Variants in NOL10 observed in about 807,000 individuals in gnomAD.
The protein encoded by NOL10 is H_NH0074G24.1.
A neutral mutation model predicts 103.5 loss-of-function variants in NOL10; 58 were observed. The ratio of observed to expected loss-of-function variants is 0.56; its 90% confidence interval spans 0.45 to 0.70. The LOEUF (loss-of-function observed/expected upper bound fraction) is 0.70. NOL10 is among the 30% of genes least tolerant of loss of function. The pLI, the probability that NOL10 is intolerant of heterozygous loss-of-function variation, is 0.00. For synonymous variants in NOL10, 287 were observed against 282.5 expected (o/e 1.02, Z -0.16); for missense variants, 763 against 807.3 (o/e 0.95, Z 0.67).
intron 19 of NOL10, among the ~76,000 whole-genome samples, chr2:10,579,535 G>A (rs1452927936): frequency 4.0e-5 from 6 of 151,734 alleles, no homozygotes; most frequent in South Asian, 2.1e-4. Context: ...CATGACAAAC[G>A]GAATGAAATG....
intron 6 of NOL10, among the ~76,000 whole-genome samples, chr2:10,671,093 C>T (rs547606094): frequency 4.6e-5 from 7 of 152,066 alleles, no homozygotes; most frequent in Non-Finnish European, 7.4e-5. Flanking sequence ...CACATATGAC[C>T]TATTAATCAC....
rs529472961 is a variant in NOL10, at chr2:10,681,229, A to G, written c.211+742T>C. Among the ~76,000 whole-genome samples the G allele has an allele frequency of 3.9e-5, 6 of 152,314 alleles. No homozygotes were observed. In the South Asian group the frequency reaches 1.0e-3, roughly 26 times the overall value. ...AACAGCCTAGCTGTTCATCACATGG[A>G]GAATGGGTAAATAAACTGTGGCTTA... On this transcript the variant is annotated intron_variant, in intron 3 of 20. Coordinates refer to ENST00000381685, the MANE Select transcript of NOL10 (RefSeq NM_024894.4).
intron 1 of NOL10, 92 bp from the exon 2 acceptor site, chr2:10,684,704 T>C: frequency 1.1e-6 from 1 of 908,206 alleles, no homozygotes; most frequent in Non-Finnish European, 1.7e-6. Flanking sequence ...ATTTAAAAAT[T>C]CAAACTTCAT....
intron 13 of NOL10, among the ~76,000 whole-genome samples, chr2:10,638,306 ACG>A (rs1678419628): frequency 8.0e-6 from 1 of 125,728 alleles, no homozygotes. Flanking sequence ...ACGTAACGTG[ACG>A]TGACGTGACG....
intron 11 of NOL10, among the ~76,000 whole-genome samples, chr2:10,655,625 G>A (rs1679796848): frequency 6.6e-6 from 1 of 152,112 alleles, no homozygotes; most frequent in African/African-American, 2.4e-5. Context: ...AGCAAGTCAG[G>A]CAAAACCAAG....
At chr2:10,600,125 C>T (rs1470184270) in intron 17 of NOL10, among the ~76,000 whole-genome samples, 1 of 152,186 alleles carries the variant, frequency 6.6e-6, no homozygotes, top group African/African-American at 2.4e-5. Flanking sequence ...CAACTCATTC[C>T]AGCACATAAC....
rs1476966023 is a variant in NOL10, at chr2:10,607,259, T to G, written c.1079A>C (p.Glu360Ala). 2 of 1,610,056 alleles carry G rather than the reference T, an allele frequency of 1.2e-6. No homozygotes were observed. Among genetic ancestry groups the G allele is most frequent in the Non-Finnish European group, 1.7e-6 (2 of 1,177,890 alleles). The change falls in exon 14 of 21, where the codon GAA (glutamate) becomes GCA (alanine). Residue 360 changes from glutamate (E) to alanine (A), a missense_variant. Coordinates refer to ENST00000381685, the MANE Select transcript of NOL10 (RefSeq NM_024894.4). ...WCSFLDNLTE[E>A]LEENPESTVY... ...TGTGCTTTCTGGATTCTCTTCTAATTCTTCGGTCAAGTTGTCTAAGAAGGA... is the reference window on the plus strand; with the variant it reads ...TGTGCTTTCTGGATTCTCTTCTAATGCTTCGGTCAAGTTGTCTAAGAAGGA...
chr2:10,572,685 G>A (rs1316341984), intron 20 of NOL10, among the ~76,000 whole-genome samples: 2 of 152,152 alleles, frequency 1.3e-5, no homozygotes, highest in Admixed American at 6.5e-5. Context: ...CGTTATTAAA[G>A]CATTCATTCA....
intron 13 of NOL10, chr2:10,634,474 C>T: frequency 2.2e-6 from 1 of 456,394 alleles, no homozygotes; most frequent in Non-Finnish European, 4.4e-6. Flanking sequence ...GATGTAGACA[C>T]ATTAAACAGG....
rs538710670 is a variant in NOL10 at position 10,572,084 on chromosome 2, C to T, written c.2054G>A (p.Arg685Gln). 9.9e-6 allele frequency: 16 copies of T among 1,613,792 alleles called. No homozygotes were observed. Among genetic ancestry groups the T allele is most frequent in the South Asian group, 8.8e-5 (8 of 91,068 alleles). The stretch of plus-strand genomic sequence containing the variant: ...CCACTTCCCAAATCAATGAAACGAC[C>T]GTCCTCTTTTGTGTCTTGACTTCAG... ...GHLKSRHKRG[R>Q]SFH The change falls in exon 21 of 21, where the codon CGG (arginine) becomes CAG (glutamine). Residue 685 changes from arginine (R) to glutamine (Q), a missense_variant. Coordinates refer to ENST00000381685, the MANE Select transcript of NOL10 (RefSeq NM_024894.4).
intron 3 of NOL10, among the ~76,000 whole-genome samples, chr2:10,679,445 T>C (rs558686166): frequency 6.6e-6 from 1 of 152,120 alleles, no homozygotes; most frequent in East Asian, 1.9e-4. Flanking sequence ...GGAAGGAGGA[T>C]GGCTTGAGCC....
At chr2:10,590,307 A>C (rs921629963) in intron 17 of NOL10, among the ~76,000 whole-genome samples, 1 of 152,068 alleles carries the variant, frequency 6.6e-6, no homozygotes, top group South Asian at 2.1e-4. Context: ...GGGTCTCACT[A>C]TGTTGCCCAG....
intron 13 of NOL10, among the ~76,000 whole-genome samples, chr2:10,608,449 T>G (rs1402557833): frequency 6.6e-6 from 1 of 152,212 alleles, no homozygotes; most frequent in South Asian, 2.1e-4. Context: ...CTGAGGTCAA[T>G]GTATGCCAAA....
chr2:10,670,717 A>G (rs1019240615), intron 6 of NOL10, among the ~76,000 whole-genome samples: 2 of 152,228 alleles, frequency 1.3e-5, no homozygotes, highest in African/African-American at 4.8e-5. Context: ...CCTGGGTGAC[A>G]GTGTGAGACT....
chr2:10,663,075 AG>A (rs1428660817), intron 8 of NOL10, 31 bp from the exon 9 acceptor site: 3 of 1,585,098 alleles, frequency 1.9e-6, no homozygotes, highest in Non-Finnish European at 2.6e-6. Context: ...TTTAAATAAA[AG>A]CTGTAGAAGG....
At chr2:10,591,346 T>A (rs1051314909) in intron 17 of NOL10, among the ~76,000 whole-genome samples, 2 of 151,870 alleles carry the variant, frequency 1.3e-5, no homozygotes, top group East Asian at 1.9e-4. Context: ...GAAAAAGGAA[T>A]CCCAACAAAA....
intron 19 of NOL10, among the ~76,000 whole-genome samples, chr2:10,584,894 C>T (rs1674943271): frequency 6.6e-6 from 1 of 152,164 alleles, no homozygotes; most frequent in Non-Finnish European, 1.5e-5. Context: ...TTTTTATCCT[C>T]TTTGTTTTAT....
intron 9 of NOL10, among the ~76,000 whole-genome samples, chr2:10,662,614 C>A (rs1161612950): frequency 6.6e-6 from 1 of 152,100 alleles, no homozygotes; most frequent in South Asian, 2.1e-4. Flanking sequence ...AAAACACTTG[C>A]TTCCTTCCAC....
intron 12 of NOL10, among the ~76,000 whole-genome samples, chr2:10,653,759 G>A (rs995975203): frequency 6.6e-6 from 1 of 150,948 alleles, no homozygotes; most frequent in African/African-American, 2.4e-5. Context: ...ATCTCACTCG[G>A]CACTCCAGCT....
Sources: allele counts gnomAD v4.1 joint callset (sites outside exome capture counted in the v4.1 genomes callset), GRCh38; gene constraint gnomAD v4.1.1; transcripts MANE v1.5; gene names NCBI Gene and HGNC (gene_info 2026-07-23, HGNC 2026-07-21).